The following SHTN1 variants were observed in gnomAD, a reference collection of about 807,000 sequenced individuals.
The protein encoded by SHTN1 is shootin-1.
A neutral mutation model predicts 83.1 loss-of-function variants in SHTN1; 42 were observed. That is an observed-to-expected ratio of 0.51 (90% CI 0.39 to 0.65). The LOEUF is 0.65. Among genes scored for constraint, SHTN1 ranks in the 30% least tolerant of loss-of-function variants. The probability of loss-of-function intolerance (pLI) is 0.00; values close to 1 mark genes in which losing one functional copy is unlikely to be tolerated. For missense variants in SHTN1, 622 were observed against 737.8 expected (o/e 0.84, Z 1.82); for synonymous variants, 224 against 247.7 (o/e 0.90, Z 0.90).
chr10:116,886,660 A>G, intron 16 of SHTN1, 94 bp from the exon 17 acceptor site: 1 of 1,537,272 alleles, frequency 6.5e-7, no homozygotes, highest in East Asian at 2.2e-5. Context: ...TAAAACCCAA[A>G]ATGTTCTAAG....
At chr10:117,031,840 G>A (rs1011630554) in intron 2 of SHTN1, among the ~76,000 whole-genome samples, 3 of 151,900 alleles carry the variant, frequency 2.0e-5, no homozygotes, top group African/African-American at 7.2e-5. Flanking sequence ...AAGAATGAAG[G>A]AAAAGAAGAC....
chr10:117,073,081 A>G (rs1331237209), intron 1 of SHTN1, among the ~76,000 whole-genome samples: 1 of 152,250 alleles, frequency 6.6e-6, no homozygotes, highest in Non-Finnish European at 1.5e-5. Context: ...GGAAAGTCTC[A>G]GCAATAGAAT....
intron 1 of SHTN1, among the ~76,000 whole-genome samples, chr10:117,098,117 G>A (rs930710391): frequency 7.9e-5 from 12 of 151,650 alleles, no homozygotes; most frequent in African/African-American, 2.7e-4. Flanking sequence ...GGCCGGGCGC[G>A]GTGGCTCACG....
chr10:116,977,938 A>C (rs1432292250), intron 2 of SHTN1, among the ~76,000 whole-genome samples: 1 of 152,022 alleles, frequency 6.6e-6, no homozygotes, highest in Non-Finnish European at 1.5e-5. Flanking sequence ...CAGCCTCCCA[A>C]AGTGCTTCTT....
chr10:116,982,555 T>C (rs544097788), intron 1 of SHTN1, among the ~76,000 whole-genome samples: 1 of 152,310 alleles, frequency 6.6e-6, no homozygotes, highest in East Asian at 1.9e-4. Flanking sequence ...AAAGCTGCCT[T>C]TTTGTTTCAG....
chr10:117,117,564 A>G (rs1853866056), intron 1 of SHTN1, among the ~76,000 whole-genome samples: 1 of 152,208 alleles, frequency 6.6e-6, no homozygotes, highest in African/African-American at 2.4e-5. Context: ...ATGGAACCAC[A>G]AAAGATTCCA....
chr10:116,889,223 T>A (rs537523879), intron 16 of SHTN1, among the ~76,000 whole-genome samples: 26 of 152,274 alleles, frequency 1.7e-4, no homozygotes, highest in Non-Finnish European at 3.7e-4. Context: ...CAGGAAGTGC[T>A]CTCTGGGCTC....
At chr10:117,073,974 A>G (rs1489847150) in intron 1 of SHTN1, among the ~76,000 whole-genome samples, 2 of 152,144 alleles carry the variant, frequency 1.3e-5, no homozygotes, top group Non-Finnish European at 2.9e-5. Flanking sequence ...TGCAGAATAT[A>G]TGAGACTTTT....
At chr10:116,896,817 T>C (rs1174562602) in intron 16 of SHTN1, among the ~76,000 whole-genome samples, 1 of 150,408 alleles carries the variant, frequency 6.6e-6, no homozygotes, top group East Asian at 1.9e-4. Context: ...TTTTTTTTTT[T>C]TTTTTGAGTT....
At chr10:117,069,503 C>T (rs544190621) in intron 1 of SHTN1, among the ~76,000 whole-genome samples, 1 of 152,080 alleles carries the variant, frequency 6.6e-6, no homozygotes, top group Non-Finnish European at 1.5e-5. Flanking sequence ...AAAGAAAGGG[C>T]GGCCTCCCTT....
chr10:116,890,451 G>A (rs1480129940), intron 16 of SHTN1, among the ~76,000 whole-genome samples: 1 of 152,172 alleles, frequency 6.6e-6, no homozygotes, highest in Non-Finnish European at 1.5e-5. Flanking sequence ...AGCAGACACA[G>A]GACTAAACTA....
At chr10:117,081,643 C>T (rs1316317768) in intron 1 of SHTN1, among the ~76,000 whole-genome samples, 5 of 145,754 alleles carry the variant, frequency 3.4e-5, no homozygotes, top group Non-Finnish European at 7.5e-5. Flanking sequence ...TGGTAGAATT[C>T]GGCTGTGAAT....
intron 1 of SHTN1, among the ~76,000 whole-genome samples, chr10:117,002,345 T>C (rs1219719231): frequency 6.6e-6 from 1 of 152,218 alleles, no homozygotes; most frequent in Non-Finnish European, 1.5e-5. Flanking sequence ...GCCTACCACA[T>C]GGACCTGACA....
chr10:116,933,734 A>G (rs571923215), intron 9 of SHTN1, among the ~76,000 whole-genome samples: 1 of 152,244 alleles, frequency 6.6e-6, no homozygotes, highest in East Asian at 1.9e-4. Context: ...ACCCTTGAGG[A>G]ATCACCACAC....
chr10:117,044,637 G>A (rs1441928290), intron 2 of SHTN1, among the ~76,000 whole-genome samples: 1 of 152,042 alleles, frequency 6.6e-6, no homozygotes, highest in Non-Finnish European at 1.5e-5. Flanking sequence ...AGGACAAAAA[G>A]CATTTAGCTT....
At chr10:116,929,247 CGTATA>C (rs1160541979) in intron 10 of SHTN1, among the ~76,000 whole-genome samples, 3 of 152,074 alleles carry the variant, frequency 2.0e-5, no homozygotes, top group Non-Finnish European at 4.4e-5. Flanking sequence ...CACATATGCC[CGTATA>C]GTAATCTAAC....
At chr10:117,112,004 C>T (rs1220243517) in intron 1 of SHTN1, among the ~76,000 whole-genome samples, 1 of 151,970 alleles carries the variant, frequency 6.6e-6, no homozygotes, top group Non-Finnish European at 1.5e-5. Context: ...GTTTCTCTGT[C>T]ACCCAGGCTG....
intron 2 of SHTN1, among the ~76,000 whole-genome samples, chr10:117,012,138 CAAA>C (rs745832549): frequency 4.6e-5 from 3 of 65,384 alleles, no homozygotes; most frequent in Admixed American, 1.8e-4. Context: ...GACTCCATCT[CAAA>C]AAAAAAAAAA....
intron 7 of SHTN1, among the ~76,000 whole-genome samples, chr10:116,946,963 C>G (rs375442143): frequency 6.6e-6 from 1 of 151,790 alleles, no homozygotes; most frequent in South Asian, 2.1e-4. Context: ...TCAAGTAATC[C>G]GCCCACCTCA....
Sources: allele counts gnomAD v4.1 joint callset (sites outside exome capture counted in the v4.1 genomes callset), GRCh38; gene constraint gnomAD v4.1.1; transcripts MANE v1.5; gene names NCBI Gene and HGNC (gene_info 2026-07-23, HGNC 2026-07-21).